The following ZNF670 variants were observed in gnomAD, a reference collection of about 807,000 sequenced individuals.
ZNF670 encodes the protein zinc finger protein 670.
Under a neutral mutation model 10.9 loss-of-function variants are expected in ZNF670, and 7 were observed. The observed-to-expected ratio is 0.64, with a 90% CI of 0.36 to 1.20. The LOEUF is 1.20. Among genes scored for constraint, ZNF670 ranks in the 50% most tolerant of loss-of-function variants. The pLI is 0.02. For missense variants in ZNF670, 446 were observed against 458.6 expected, an observed-to-expected ratio of 0.97 and a Z score of 0.25; for synonymous variants, 136 against 152.7, an observed-to-expected ratio of 0.89 and a Z score of 0.81.
chr1:247,048,077 A>G lies in ZNF670; in HGVS notation c.4-8540T>C, dbSNP rs189675369. ...CAGAAAATGGGTTTTCTTTTCTATC[A>G]CATCATCAGGCTGAAAATTTTCCAA... On this transcript the variant is annotated intron_variant, in intron 1 of 3. Coordinates refer to ENST00000366503, the MANE Select transcript of ZNF670 (RefSeq NM_033213.5). Among the ~76,000 whole-genome samples, 293 of 152,222 alleles carry G rather than the reference A, an allele frequency of 1.9e-3. 2 individuals carry two copies. Among genetic ancestry groups the G allele is most frequent in the Non-Finnish European group, 5.6e-4 (38 of 68,018 alleles).
chr1:247,052,785 C>T (rs151283468), intron 1 of ZNF670, among the ~76,000 whole-genome samples: 1 of 152,292 alleles, frequency 6.6e-6, no homozygotes, highest in East Asian at 1.9e-4. Context: ...AGGGGGATAT[C>T]AGCTTGCCCT....
intron 1 of ZNF670, among the ~76,000 whole-genome samples, chr1:247,071,390 A>G (rs1671110538): frequency 6.6e-6 from 1 of 152,242 alleles, no homozygotes. Flanking sequence ...CAAATACTGC[A>G]TGTTCTCACT....
intron 1 of ZNF670, among the ~76,000 whole-genome samples, chr1:247,076,444 G>C (rs1470352227): frequency 2.0e-5 from 3 of 151,648 alleles, no homozygotes; most frequent in Middle Eastern, 3.2e-3. Flanking sequence ...TTTTAGTAGA[G>C]ATGGGGTTTC....
chr1:247,043,096 GA>G, intron 1 of ZNF670: 4 of 1,133,850 alleles, frequency 3.5e-6, no homozygotes, highest in Non-Finnish European at 5.3e-6. Flanking sequence ...CCAGGCTCAG[GA>G]AAAAGAACTG....
intron 1 of ZNF670, among the ~76,000 whole-genome samples, chr1:247,041,702 T>A (rs1015345208): frequency 2.0e-5 from 3 of 152,206 alleles, no homozygotes; most frequent in Non-Finnish European, 2.9e-5. Flanking sequence ...AGCATTATTT[T>A]TCCCAAAAGC....
intron 1 of ZNF670, among the ~76,000 whole-genome samples, chr1:247,044,586 T>A (rs1442988280): frequency 6.6e-6 from 1 of 152,166 alleles, no homozygotes. Context: ...CTGGATTTTT[T>A]AAAAAGTGGT....
At chr1:247,056,276 G>T (rs554401572) in intron 1 of ZNF670, among the ~76,000 whole-genome samples, 1 of 152,098 alleles carries the variant, frequency 6.6e-6, no homozygotes, top group Non-Finnish European at 1.5e-5. Flanking sequence ...CCATATGGTA[G>T]GTCACAAAAA....
chr1:247,043,759 A>G (rs147591063), intron 1 of ZNF670: 2 of 383,006 alleles, frequency 5.2e-6, no homozygotes, highest in African/African-American at 2.1e-5. Context: ...AACAGGTCGC[A>G]TTTCTGTGCC....
In ZNF670 at chr1:247,036,759, T is replaced by C. The variant is rs1025035148; in HGVS notation, c.*690A>G. On this transcript the variant is annotated 3_prime_UTR_variant, in exon 4 of 4. Coordinates refer to ENST00000366503, the MANE Select transcript of ZNF670 (RefSeq NM_033213.5). ...AAGAAAATGAAAATAACAATGTACA[T>C]GAGACTATATAAACTTCACATACAT... The C allele has an allele frequency of 6.6e-6, 1 of 152,062 alleles. No individual in the cohort carries two copies. Among genetic ancestry groups the C allele is most frequent in the Non-Finnish European group, 1.5e-5 (1 of 68,014 alleles). 9.4% of individuals were successfully genotyped at this position (152,062 alleles called of 1,614,324 possible). A position where few individuals can be genotyped will look rare whatever the true frequency, so the allele number is the denominator to read the frequency against.
chr1:247,064,525 C>T (rs1411528509), intron 1 of ZNF670, among the ~76,000 whole-genome samples: 2 of 152,196 alleles, frequency 1.3e-5, no homozygotes, highest in African/African-American at 2.4e-5. Flanking sequence ...AGCAGAACTT[C>T]GTACTGCCTT....
At chr1:247,057,224 C>A (rs1670741612) in intron 1 of ZNF670, among the ~76,000 whole-genome samples, 1 of 152,098 alleles carries the variant, frequency 6.6e-6, no homozygotes, top group Admixed American at 6.5e-5. Flanking sequence ...AGAAGACATA[C>A]AAATGGTAAA....
intron 1 of ZNF670, among the ~76,000 whole-genome samples, chr1:247,050,892 T>A (rs565844083): frequency 6.6e-6 from 1 of 152,364 alleles, no homozygotes; most frequent in South Asian, 2.1e-4. Flanking sequence ...TGCAAGTTGC[T>A]GCCTGAATAC....
rs1336684117 is a variant in ZNF670 at position 247,038,275 on chromosome 1, T to A, written c.344A>T (p.His115Leu). 2 of 1,614,092 alleles carry A rather than the reference T, an allele frequency of 1.2e-6. No homozygotes were observed. The highest frequency in any genetic ancestry group is 1.7e-6 in the Non-Finnish European group (2 of 1,180,024). The change falls in exon 4 of 4, where the codon CAT (histidine) becomes CTT (leucine). Residue 115 changes from histidine (H) to leucine (L), a missense_variant. Physicochemically the swap from His to Leu is moderately conservative, Grantham distance 99. Coordinates refer to ENST00000366503, the MANE Select transcript of ZNF670 (RefSeq NM_033213.5). ...CSVCGKVFIC[H>L]SALHRHILSH... ...CAGGATGTGCCTATGAAGGGCTGAA[T>A]GACATATGAAGACTTTTCCACACAC...
intron 1 of ZNF670, among the ~76,000 whole-genome samples, chr1:247,039,749 G>A (rs887257342): frequency 1.3e-5 from 2 of 152,258 alleles, no homozygotes; most frequent in Non-Finnish European, 2.9e-5. Context: ...GTCAACAGCA[G>A]AGTAGGAACA....
intron 1 of ZNF670, among the ~76,000 whole-genome samples, chr1:247,054,497 G>A (rs1440355868): frequency 6.6e-6 from 1 of 152,228 alleles, no homozygotes; most frequent in Non-Finnish European, 1.5e-5. Flanking sequence ...GGGCAGGGTT[G>A]TGAGGCCCAC....
At position 247,056,736 on chromosome 1, in the gene ZNF670, C is replaced by T. The variant is rs182199989; in HGVS notation, c.4-17199G>A. Among the ~76,000 whole-genome samples, 26 of 152,258 alleles carry T rather than the reference C, an allele frequency of 1.7e-4. No homozygotes were observed. In the East Asian group the frequency reaches 4.8e-3, roughly 28 times the overall value. On this transcript the variant is annotated intron_variant, in intron 1 of 3. Transcript: ENST00000366503. ...TCAGTTTTGACAAAGGTACCAAGAA[C>T]ACACACTGGGGAAAGAACAATCTCT... is the stretch of plus-strand genomic sequence containing the variant.
In ZNF670 at chr1:247,035,666, A is replaced by G. The variant is rs1670132663; in HGVS notation, c.*1783T>C. Among the ~76,000 whole-genome samples, 1 of 152,234 alleles carries G rather than the reference A, an allele frequency of 6.6e-6. No individual in the cohort carries two copies. The highest frequency in any genetic ancestry group is 6.5e-5 in the Admixed American group (1 of 15,280). On this transcript the variant is annotated 3_prime_UTR_variant, in exon 4 of 4. Coordinates refer to ENST00000366503, the MANE Select transcript of ZNF670 (RefSeq NM_033213.5). ...CCACATATTATATAGCTACTTATAC[A>G]CATATAAGTATACATGTAGACATGC... is the stretch of plus-strand genomic sequence containing the variant.
In ZNF670 at chr1:247,038,261, T is replaced by C; in HGVS notation, c.358A>G (p.Arg120Gly). ...KVFICHSALHRHILSHIGNKL... is the reference protein window; with the variant it reads ...KVFICHSALHGHILSHIGNKL... ...TTTCCAATGTGAGACAGGATGTGCC[T>C]ATGAAGGGCTGAATGACATATGAAG... is the stretch of plus-strand genomic sequence containing the variant. Residue 120 changes from arginine to glycine, a missense_variant, in exon 4 of 4, where the codon AGG (arginine) becomes GGG (glycine). Arg to Gly is a moderately radical substitution (Grantham distance 125). Coordinates refer to ENST00000366503, the MANE Select transcript of ZNF670 (RefSeq NM_033213.5). 1 of 1,614,202 alleles carries C rather than the reference T, an allele frequency of 6.2e-7. No individual in the cohort carries two copies. The highest frequency in any genetic ancestry group is 1.1e-5 in the South Asian group (1 of 91,088).
chr1:247,051,713 A>G (rs1670600152), intron 1 of ZNF670, among the ~76,000 whole-genome samples: 1 of 151,912 alleles, frequency 6.6e-6, no homozygotes, highest in African/African-American at 2.4e-5. Context: ...AGAATTCCAA[A>G]ATTTTAGTTT....
Sources: allele counts gnomAD v4.1 joint callset (sites outside exome capture counted in the v4.1 genomes callset), GRCh38; gene constraint gnomAD v4.1.1; transcripts MANE v1.5; gene names NCBI Gene and HGNC (gene_info 2026-07-23, HGNC 2026-07-21).